RHOBTB2: variants seen among roughly 807,000 people sequenced by gnomAD.
RHOBTB2 encodes the protein rho-related BTB domain-containing protein 2.
A neutral mutation model predicts 66.5 loss-of-function variants in RHOBTB2; 39 were observed. The observed-to-expected ratio is 0.59, with a 90% CI of 0.45 to 0.77. The LOEUF is 0.77. RHOBTB2 is among the 30% of genes least tolerant of loss of function. The probability of loss-of-function intolerance (pLI) is 0.00; values close to 1 mark genes in which losing one functional copy is unlikely to be tolerated. For missense variants in RHOBTB2, 755 were observed against 999.1 expected (o/e 0.76, Z 3.29); for synonymous variants, 390 against 395.0 (o/e 0.99, Z 0.15).
chr8:23,014,828 C>A, intron 8 of RHOBTB2, 50 bp downstream of exon 8: 2 of 1,463,776 alleles, frequency 1.4e-6, no homozygotes, highest in Non-Finnish European at 1.9e-6. Flanking sequence ...CTACACTCTG[C>A]CTGCCCATTG....
chr8:23,014,878 G>T, intron 8 of RHOBTB2, 100 bp downstream of exon 8: 1 of 942,134 alleles, frequency 1.1e-6, no homozygotes. Flanking sequence ...CTATGCGGGA[G>T]AACCTGTCAT....
At chr8:23,002,197 C>T (rs1810805106) in intron 1 of RHOBTB2, among the ~76,000 whole-genome samples, 1 of 152,214 alleles carries the variant, frequency 6.6e-6, no homozygotes, top group African/African-American at 2.4e-5. Flanking sequence ...TCTTTATCCT[C>T]CAGCTGCACA....
upstream of RHOBTB2, among the ~76,000 whole-genome samples, chr8:22,985,434 C>G (rs1810270686): frequency 1.3e-5 from 2 of 152,198 alleles, no homozygotes; most frequent in African/African-American, 4.8e-5. Flanking sequence ...GGAGGCTGCA[C>G]GTCTGTCCAC....
chr8:23,009,856 G>A (rs951000922), intron 6 of RHOBTB2, among the ~76,000 whole-genome samples: 7 of 152,212 alleles, frequency 4.6e-5, no homozygotes, highest in African/African-American at 1.4e-4. Context: ...TCTCGGTACT[G>A]TAGACGCCAG....
intron 1 of RHOBTB2, among the ~76,000 whole-genome samples, chr8:23,000,945 T>A (rs1810759451): frequency 6.9e-6 from 1 of 144,758 alleles, no homozygotes. Context: ...AAGCCTCCTA[T>A]CAGCTGTGGG....
At chr8:22,981,664 G>C in the RHOBTB2 span, among the ~76,000 whole-genome samples, 1 of 152,206 alleles carries the variant, frequency 6.6e-6, no homozygotes. Flanking sequence ...TAGGGGTGAA[G>C]CTGAAAGGGA....
intron 7 of RHOBTB2, among the ~76,000 whole-genome samples, chr8:23,011,179 G>A (rs563054440): frequency 9.8e-5 from 15 of 152,292 alleles, no homozygotes; most frequent in African/African-American, 3.1e-4. Context: ...GCTTGAACCC[G>A]GGAGGTGGAG....
In RHOBTB2 at chr8:23,010,487, C is replaced by T. The variant is rs772068078; in HGVS notation, c.1621-51C>T. ...TTCAATTTCTCAGGGTTCAGTTCAT[C>T]TTCTCCTAAGCAGGATCTCATTGCT... On this transcript the variant is annotated intron_variant, in intron 6 of 9. Coordinates refer to ENST00000251822, the MANE Select transcript of RHOBTB2 (RefSeq NM_015178.3). 18 of 1,573,896 alleles carry T rather than the reference C, an allele frequency of 1.1e-5. No individual in the cohort carries two copies. In the South Asian group the frequency reaches 2.0e-4, roughly 17 times the overall value.
In RHOBTB2 at chr8:23,017,701, G is replaced by A. The variant is rs561402561; in HGVS notation, c.*232G>A. ...TCCCCAGACCCAAAGCAGGACGGGA[G>A]ACAACTGCTTGGAGGAGCGAAGAGC... On this transcript the variant is annotated 3_prime_UTR_variant, in exon 10 of 10. Coordinates refer to ENST00000251822, the MANE Select transcript of RHOBTB2 (RefSeq NM_015178.3). The surrounding 1 kb of genome is among the most constrained non-coding windows in gnomAD (Gnocchi z 5.3). 1 of 611,586 alleles carries A rather than the reference G, an allele frequency of 1.6e-6. No individual in the cohort carries two copies. The highest frequency in any genetic ancestry group is 2.9e-5 in the East Asian group (1 of 35,012). The allele number at this position is 611,586 out of a possible 1,614,324, so 37.9% of individuals were successfully genotyped here.
rs2128804747 is a variant in RHOBTB2 at position 23,007,274 on chromosome 8, C to T, written c.1029C>T (p.Ala343=). The T allele has an allele frequency of 6.2e-7, 1 of 1,613,498 alleles. No homozygotes were observed. The highest frequency in any genetic ancestry group is 8.5e-7 in the Non-Finnish European group (1 of 1,179,984). The change falls in exon 5 of 10, where the codon GCC becomes GCT. Residue 343 remains alanine (A), a synonymous_variant. Transcript: ENST00000251822. ...GGCGAGACTTCCTGCTCCGAGCAGC[C>T]AGCTTTGACGTGTGCGAGAGCGTGG... ...HHGRDFLLRA[A]SFDVCESVDE...
At chr8:22,952,325 C>T in the RHOBTB2 span, among the ~76,000 whole-genome samples, 1 of 151,992 alleles carries the variant, frequency 6.6e-6, no homozygotes, top group African/African-American at 2.4e-5. Context: ...CCCACCTGCT[C>T]GCTCCCTCCT....
intron 1 of RHOBTB2, chr8:22,992,003 A>G (rs907877658): frequency 6.6e-6 from 1 of 152,244 alleles, no homozygotes; most frequent in Non-Finnish European, 1.5e-5. Context: ...AACCAGCCTC[A>G]TTGCAATGTG....
At chr8:23,016,955 C>A (rs1228479020) in intron 9 of RHOBTB2, among the ~76,000 whole-genome samples, 46 of 152,202 alleles carry the variant, frequency 3.0e-4, no homozygotes, top group Admixed American at 3.0e-3. Flanking sequence ...CATTCGCTTA[C>A]CCCTTCTCCC....
At chr8:22,994,570 G>A (rs1247981354), upstream of RHOBTB2, 6 of 1,550,698 alleles carry the variant, frequency 3.9e-6, no homozygotes, top group Non-Finnish European at 4.4e-6. Context: ...GGAGCCTGGA[G>A]GGAACACAGA....
chr8:23,004,856 G>A lies in RHOBTB2; in HGVS notation c.192+230G>A. 1.7e-6 allele frequency: 1 copy of A among 583,154 alleles called. No individual in the cohort carries two copies. Among genetic ancestry groups the A allele is most frequent in the Non-Finnish European group, 3.1e-6 (1 of 326,462 alleles). The allele number at this position is 583,154 out of a possible 1,614,324, so 36.1% of individuals were successfully genotyped here. A position where few individuals can be genotyped will look rare whatever the true frequency, so the allele number is the denominator to read the frequency against. On this transcript the variant is annotated intron_variant, in intron 2 of 9. Coordinates refer to ENST00000251822, the MANE Select transcript of RHOBTB2 (RefSeq NM_015178.3). The surrounding 1 kb of genome is among the most constrained non-coding windows in gnomAD (Gnocchi z 6.4). ...GTTTTCAGGGACTGAGCTGGTGCCT[G>A]GGACTCCATCTTTGTCTGGGGTACC...
chr8:22,988,528 C>G (rs1404979424), intron 1 of RHOBTB2, among the ~76,000 whole-genome samples: 1 of 152,178 alleles, frequency 6.6e-6, no homozygotes, highest in Non-Finnish European at 1.5e-5. Flanking sequence ...CCACCCAACT[C>G]TGGGAGCTCC....
Position 22,999,938 on chromosome 8 carries a change from GTGGCCGCGAGC to G in RHOBTB2, c.-171_-161del. 1.0e-6 allele frequency: 1 copy of G among 985,402 alleles called. No homozygotes were observed. The highest frequency in any genetic ancestry group is 1.2e-6 in the Non-Finnish European group (1 of 829,940). The allele number at this position is 985,402 out of a possible 1,614,324, so 61.0% of individuals were successfully genotyped here. On this transcript the variant is annotated 5_prime_UTR_variant, in exon 1 of 10. Coordinates refer to ENST00000251822, the MANE Select transcript of RHOBTB2 (RefSeq NM_015178.3). ...TGGGCTGCCCTGCCGGAGTTTCTGA[GTGGCCGCGAGC>G]TGGCCGGGAGGCTGGAGCCCAGCAG...
In RHOBTB2 at chr8:22,999,574, G is replaced by A. The variant is rs982155448; in HGVS notation, c.-542G>A. 5 of 1,217,458 alleles carry A rather than the reference G, an allele frequency of 4.1e-6. No homozygotes were observed. The highest frequency in any genetic ancestry group is 2.8e-5 in the South Asian group (2 of 72,112). The allele number at this position is 1,217,458 out of a possible 1,614,324, so 75.4% of individuals were successfully genotyped here. A position where few individuals can be genotyped will look rare whatever the true frequency, so the allele number is the denominator to read the frequency against. On this transcript the variant is annotated 5_prime_UTR_variant, in exon 1 of 10. The change creates a new upstream start codon in the 5' untranslated region. Coordinates refer to ENST00000251822, the MANE Select transcript of RHOBTB2 (RefSeq NM_015178.3). ...GGGCCCGTCACGGCTGTCGTCTTGG[G>A]TGCGATTTTTTTCTCCTCCTTTTTT...
rs1165077425 is a variant in RHOBTB2 at position 23,019,559 on chromosome 8, T to TCCCGGA, written c.*2091_*2096dup. 6.6e-6 allele frequency: 1 copy of TCCCGGA among 152,502 alleles called. No homozygotes were observed. Among genetic ancestry groups the TCCCGGA allele is most frequent in the African/African-American group, 2.4e-5 (1 of 41,438 alleles). 9.4% of individuals were successfully genotyped at this position (152,502 alleles called of 1,614,324 possible). ...GACAGCGTGGGGGCACACCTGGGCC[T>TCCCGGA]CCCGGAAGCTGTGGACGAAAGGGAG... On this transcript the variant is annotated 3_prime_UTR_variant, in exon 10 of 10. Transcript: ENST00000251822.
Sources: gnomAD v4.1 joint callset for allele counts (sites outside exome capture counted in the v4.1 genomes callset) on GRCh38, gnomAD v4.1.1 for gene constraint, Gnocchi (gnomAD v3.1) non-coding constraint, MANE v1.5 for transcripts, NCBI Gene and HGNC (gene_info 2026-07-23, HGNC 2026-07-21) for gene names.